Variants in WNT7A observed in about 807,000 individuals in gnomAD.
WNT7A encodes the protein Wnt family member 7A, also known as protein Wnt-7a.
Under a neutral mutation model 28.2 loss-of-function variants are expected in WNT7A, and 16 were observed. The ratio of observed to expected loss-of-function variants is 0.57; its 90% confidence interval spans 0.38 to 0.86. The LOEUF (loss-of-function observed/expected upper bound fraction) is 0.86, where lower values mean the gene tolerates loss of function less well. Ranked by LOEUF, WNT7A falls within the 40% of genes least tolerant of loss-of-function variation. The pLI is 0.00. For synonymous variants in WNT7A, 190 were observed against 195.9 expected (o/e 0.97, Z 0.25); for missense variants, 411 against 489.7 (o/e 0.84, Z 1.52).
At chr3:13,870,661 G>A (rs865799289) in intron 2 of WNT7A, among the ~76,000 whole-genome samples, 23 of 152,310 alleles carry the variant, frequency 1.5e-4, no homozygotes, top group Middle Eastern at 3.4e-3. Context: ...GGTCCAATCC[G>A]AGTGAATCTT....
intron 3 of WNT7A, among the ~76,000 whole-genome samples, chr3:13,834,228 T>A (rs1024369851): frequency 6.6e-6 from 1 of 152,176 alleles, no homozygotes; most frequent in East Asian, 1.9e-4. Context: ...TGGTTTTTTT[T>A]TAGAAGTCCC....
intron 2 of WNT7A, among the ~76,000 whole-genome samples, chr3:13,856,174 T>C (rs746233461): frequency 6.6e-6 from 1 of 151,158 alleles, no homozygotes; most frequent in Admixed American, 6.6e-5. Flanking sequence ...AGCCCACCCA[T>C]GGTGTCCCTG....
intron 3 of WNT7A, among the ~76,000 whole-genome samples, chr3:13,840,419 G>A (rs986141252): frequency 6.6e-6 from 1 of 152,184 alleles, no homozygotes; most frequent in Non-Finnish European, 1.5e-5. Context: ...AGTACCAGAC[G>A]CATAAATAGG....
At chr3:13,869,027 A>T (rs1694982170) in intron 2 of WNT7A, among the ~76,000 whole-genome samples, 1 of 145,260 alleles carries the variant, frequency 6.9e-6, no homozygotes, top group African/African-American at 2.6e-5. Flanking sequence ...AGAAAGAGAG[A>T]AAGTGAGAGA....
intron 2 of WNT7A, among the ~76,000 whole-genome samples, chr3:13,862,829 A>T (rs1234197755): frequency 1.3e-5 from 2 of 151,920 alleles, no homozygotes; most frequent in African/African-American, 4.8e-5. Context: ...GTCAGCATCT[A>T]CTCCTTCCTG....
intron 1 of WNT7A, among the ~76,000 whole-genome samples, chr3:13,877,709 G>A (rs1046435347): frequency 6.6e-6 from 1 of 152,172 alleles, no homozygotes; most frequent in Non-Finnish European, 1.5e-5. Flanking sequence ...CTCATTGGCT[G>A]CTGTGAAAAT....
chr3:13,835,762 G>A (rs1413430104), intron 3 of WNT7A, among the ~76,000 whole-genome samples: 2 of 152,176 alleles, frequency 1.3e-5, no homozygotes, highest in African/African-American at 4.8e-5. Context: ...ACCAAAAGAT[G>A]AAACAACTCA....
At position 13,819,456 on chromosome 3, in the gene WNT7A, G is replaced by A. The variant is rs750618953; in HGVS notation, c.571-33C>T. The A allele has an allele frequency of 1.1e-5, 18 of 1,605,398 alleles. 1 individual carries two copies. The highest frequency in any genetic ancestry group is 1.7e-5 in the Admixed American group (1 of 59,780). The stretch of plus-strand genomic sequence containing the variant: ...GGAGGGCGGGGAAGAGCACAGCACA[G>A]GTCACTGCACGCCAAGGCCAAGTGC... On this transcript the variant is annotated intron_variant, in intron 3 of 3. Transcript: ENST00000285018.
intron 3 of WNT7A, among the ~76,000 whole-genome samples, chr3:13,844,914 C>T (rs1357909535): frequency 1.2e-4 from 18 of 152,316 alleles, no homozygotes; most frequent in African/African-American, 4.3e-4. Flanking sequence ...GCTCCCCTCC[C>T]TCCCTCTTCC....
At chr3:13,847,469 C>T (rs187048676) in intron 3 of WNT7A, among the ~76,000 whole-genome samples, 24 of 152,302 alleles carry the variant, frequency 1.6e-4, no homozygotes, top group Admixed American at 1.4e-3. Flanking sequence ...CTCAGTCTCT[C>T]ATTGATTAAA....
chr3:13,848,830 C>T (rs552120399), intron 3 of WNT7A, among the ~76,000 whole-genome samples: 1 of 152,228 alleles, frequency 6.6e-6, no homozygotes, highest in East Asian at 1.9e-4. Context: ...ATAGTCATAA[C>T]CTGCAAACAA....
chr3:13,833,672 T>C (rs1694318451), intron 3 of WNT7A, among the ~76,000 whole-genome samples: 1 of 151,998 alleles, frequency 6.6e-6, no homozygotes, highest in Admixed American at 6.6e-5. Context: ...TGTCCCAGAG[T>C]CTAGGTTAGT....
intron 2 of WNT7A, among the ~76,000 whole-genome samples, chr3:13,871,866 T>C (rs76112279): frequency 1.1e-3 from 163 of 152,256 alleles, no homozygotes; most frequent in African/African-American, 3.8e-3. Flanking sequence ...TCCATTCCCA[T>C]GAAGGGAAAT....
intron 3 of WNT7A, among the ~76,000 whole-genome samples, chr3:13,835,626 A>G (rs972277502): frequency 2.0e-5 from 3 of 152,146 alleles, no homozygotes; most frequent in African/African-American, 7.2e-5. Context: ...GTCAGGGACA[A>G]CCCCAAAGAT....
In WNT7A at chr3:13,864,680, A is replaced by G. The variant is rs145775419; in HGVS notation, c.299-9877T>C. ...GATGAGGACGTGAATAAATGAGTGG[A>G]CATACAAGTGGGGGAGTCTTATCCC... On this transcript the variant is annotated intron_variant, in intron 2 of 3. Coordinates refer to ENST00000285018, the MANE Select transcript of WNT7A (RefSeq NM_004625.4). Among the ~76,000 whole-genome samples, 740 of 152,348 alleles carry G rather than the reference A, an allele frequency of 4.9e-3. 14 individuals carry two copies. Among genetic ancestry groups the G allele is most frequent in the African/African-American group, 0.017 (707 of 41,576 alleles).
intron 3 of WNT7A, among the ~76,000 whole-genome samples, chr3:13,847,294 A>G (rs1172736329): frequency 6.6e-6 from 1 of 151,842 alleles, no homozygotes; most frequent in East Asian, 1.9e-4. Context: ...CCCACCATGG[A>G]CCTCCTGGTC....
intron 2 of WNT7A, among the ~76,000 whole-genome samples, chr3:13,874,615 A>G (rs1438792641): frequency 6.6e-6 from 1 of 152,224 alleles, no homozygotes; most frequent in Non-Finnish European, 1.5e-5. Flanking sequence ...TTTTCAAAAG[A>G]AACCAGAAAT....
At chr3:13,872,507 T>C (rs559020606) in intron 2 of WNT7A, among the ~76,000 whole-genome samples, 1 of 152,252 alleles carries the variant, frequency 6.6e-6, no homozygotes, top group Non-Finnish European at 1.5e-5. Flanking sequence ...ACCTCCTGGC[T>C]CCAGCTCCTA....
chr3:13,830,229 C>T (rs747368920), intron 3 of WNT7A, among the ~76,000 whole-genome samples: 6 of 152,104 alleles, frequency 3.9e-5, no homozygotes, highest in African/African-American at 7.2e-5. Flanking sequence ...AGGTGGGCCC[C>T]GGTCAAAAAG....
Sources: allele counts gnomAD v4.1 joint callset (sites outside exome capture counted in the v4.1 genomes callset), GRCh38; gene constraint gnomAD v4.1.1; transcripts MANE v1.5; gene names NCBI Gene and HGNC (gene_info 2026-07-23, HGNC 2026-07-21).